Variants in CDK12 observed in about 807,000 individuals in gnomAD.
CDK12 encodes the protein cyclin-dependent kinase 12.
A neutral mutation model predicts 133.8 loss-of-function variants in CDK12; 17 were observed. The ratio of observed to expected loss-of-function variants is 0.13; its 90% CI spans 0.09 to 0.19. The LOEUF (loss-of-function observed/expected upper bound fraction) is 0.19. Among genes scored for constraint, CDK12 ranks in the 10% least tolerant of loss-of-function variants. CDK12 has a pLI of 1.00. For missense variants in CDK12, 1,508 were observed against 1,818.7 expected (o/e 0.83, Z 3.11); for synonymous variants, 694 against 683.6 (o/e 1.02, Z -0.24).
intron 3 of CDK12, among the ~76,000 whole-genome samples, chr17:39,491,516 G>A (rs989229908): frequency 5.9e-5 from 9 of 152,010 alleles, no homozygotes; most frequent in East Asian, 1.9e-4. Context: ...GATTACAGGC[G>A]TGAGCCACCG....
intron 3 of CDK12, among the ~76,000 whole-genome samples, chr17:39,562,504 C>A (rs2056408357): frequency 6.6e-6 from 1 of 152,152 alleles, no homozygotes; most frequent in Non-Finnish European, 1.5e-5. Flanking sequence ...GGCTGCTTCT[C>A]TATTCAGGTC....
intron 2 of CDK12, among the ~76,000 whole-genome samples, chr17:39,485,589 T>G (rs911635922): frequency 6.6e-6 from 1 of 151,856 alleles, no homozygotes; most frequent in Non-Finnish European, 1.5e-5. Context: ...ATTTTTTTTG[T>G]ATTTTGGTAG....
At chr17:39,564,508 C>T (rs759308050) in intron 3 of CDK12, among the ~76,000 whole-genome samples, 1 of 152,206 alleles carries the variant, frequency 6.6e-6, no homozygotes, top group Non-Finnish European at 1.5e-5. Context: ...ACCAACCATT[C>T]CCTATAGCTG....
intron 5 of CDK12, among the ~76,000 whole-genome samples, chr17:39,498,146 C>T (rs1225166614): frequency 1.3e-5 from 2 of 151,872 alleles, no homozygotes; most frequent in Non-Finnish European, 2.9e-5. Context: ...GGACTAGACA[C>T]CACTCCTGGC....
intron 2 of CDK12, 146 bp from the exon 3 acceptor site, chr17:39,490,411 A>AT (rs919669634): frequency 6.8e-4 from 362 of 530,634 alleles, no homozygotes; most frequent in Non-Finnish European, 7.9e-4. Flanking sequence ...GTGATTAATT[A>AT]TTTTTTTTTA....
intron 3 of CDK12, among the ~76,000 whole-genome samples, chr17:39,492,018 A>T (rs1299584569): frequency 6.6e-6 from 1 of 151,100 alleles, no homozygotes. Flanking sequence ...AGTACTAAAA[A>T]AAAAAAAAAA....
intron 1 of CDK12, among the ~76,000 whole-genome samples, chr17:39,467,151 G>T (rs968759042): frequency 6.6e-6 from 1 of 151,796 alleles, no homozygotes; most frequent in Non-Finnish European, 1.5e-5. Flanking sequence ...GCTAATTTTT[G>T]TATTTTTAGT....
At position 39,511,449 on chromosome 17, in the gene CDK12, T is replaced by C. The variant is rs376592953; in HGVS notation, c.2667-80T>C. ...GTCTCATCTTCATTTGGCACCTATT[T>C]CTATTTGCATTTAGTTATGTGAATA... On this transcript the variant is annotated intron_variant, in intron 7 of 13. Transcript: ENST00000447079. 3.9e-5 allele frequency: 35 copies of C among 901,838 alleles called. No individual in the cohort carries two copies. Among genetic ancestry groups the C allele is most frequent in the Admixed American group, 1.0e-4 (5 of 48,992 alleles). The allele number at this position is 901,838 out of a possible 1,614,324, so 55.9% of individuals were successfully genotyped here.
At chr17:39,518,971 G>A (rs1019891173) in intron 10 of CDK12, among the ~76,000 whole-genome samples, 5 of 152,066 alleles carry the variant, frequency 3.3e-5, no homozygotes, top group South Asian at 2.1e-4. Context: ...GCATCATCTC[G>A]GCTCACTGCA....
chr17:39,537,614 G>C (rs1426347079), downstream of CDK12, among the ~76,000 whole-genome samples: 3 of 151,028 alleles, frequency 2.0e-5, no homozygotes, highest in Non-Finnish European at 4.4e-5. Flanking sequence ...TCTTCTTGGA[G>C]TGCAGTGGTG....
intron 5 of CDK12, among the ~76,000 whole-genome samples, chr17:39,499,215 T>TCC (rs2052519452): frequency 9.5e-6 from 1 of 104,832 alleles, no homozygotes; most frequent in Non-Finnish European, 1.9e-5. Flanking sequence ...TTCCTTTTTT[T>TCC]TTTTTTTTTG....
rs751971146 is a variant in CDK12, at chr17:39,462,152, C to T, written c.81C>T (p.Gly27=). 6.2e-7 allele frequency: 1 copy of T among 1,614,190 alleles called. No homozygotes were observed. Among genetic ancestry groups the T allele is most frequent in the Admixed American group, 1.7e-5 (1 of 60,020 alleles). The change falls in exon 1 of 14, where the codon GGC becomes GGT. Residue 27 remains glycine, a synonymous_variant. Coordinates refer to ENST00000447079, the MANE Select transcript of CDK12 (RefSeq NM_016507.4). ...GAACTTTGCAGCCGTCATCGGGAGG[C>T]GGCAGCTCTAACAGCAGAGAGCGTC... The part of the protein sequence containing the change: ...ASGTLQPSSG[G]GSSNSRERHR...
chr17:39,521,407 A>G (rs746536226), intron 11 of CDK12, among the ~76,000 whole-genome samples: 6 of 151,496 alleles, frequency 4.0e-5, no homozygotes, highest in Non-Finnish European at 8.8e-5. Context: ...AGTAGCTGGA[A>G]TTACGCCACC....
intron 2 of CDK12, among the ~76,000 whole-genome samples, chr17:39,476,915 G>T (rs2050257898): frequency 1.3e-5 from 2 of 149,500 alleles, no homozygotes; most frequent in East Asian, 2.0e-4. Flanking sequence ...AGAGATGGGG[G>T]TTTCACCATG....
intron 1 of CDK12, among the ~76,000 whole-genome samples, chr17:39,541,319 C>T (rs1373445464): frequency 6.6e-6 from 1 of 151,744 alleles, no homozygotes; most frequent in Non-Finnish European, 1.5e-5. Flanking sequence ...GTTAGACTGC[C>T]TCAACTTCTT....
At chr17:39,471,883 C>T in intron 2 of CDK12, 120 bp downstream of exon 2, 2 of 919,788 alleles carry the variant, frequency 2.2e-6, no homozygotes, top group Non-Finnish European at 1.6e-6. Flanking sequence ...TTGATATTTT[C>T]AGTGGGAAAG....
At chr17:39,502,567 T>G (rs764596304) in intron 6 of CDK12, among the ~76,000 whole-genome samples, 1 of 152,232 alleles carries the variant, frequency 6.6e-6, no homozygotes, top group Non-Finnish European at 1.5e-5. Flanking sequence ...GGGACTGTCC[T>G]GGTTTTAGCA....
At chr17:39,497,683 A>G (rs1027733809) in intron 5 of CDK12, among the ~76,000 whole-genome samples, 3 of 151,806 alleles carry the variant, frequency 2.0e-5, no homozygotes, top group African/African-American at 4.8e-5. Flanking sequence ...AGCTCATTAC[A>G]TCCTCAACCT....
Position 39,481,636 on chromosome 17 carries a change from C to CGG in CDK12, c.1932-8921_1932-8920insGG, listed in dbSNP as rs1168739401. Among the ~76,000 whole-genome samples, 24 of 5,066 alleles carry CGG rather than the reference C, an allele frequency of 4.7e-3. 3 individuals carry two copies. Among genetic ancestry groups the CGG allele is most frequent in the African/African-American group, 0.014 (24 of 1,698 alleles). 3.3% of individuals were successfully genotyped at this position (5,066 alleles called of 152,430 possible). A position where few individuals can be genotyped will look rare whatever the true frequency, so the allele number is the denominator to read the frequency against. ...TTATGTGCTTGCTCGCTCGCGCGCT[C>CGG]TCTCTCTCTCTCTCTCTCTCTCTCT... is the stretch of plus-strand genomic sequence containing the variant. On this transcript the variant is annotated intron_variant, in intron 2 of 13. Coordinates refer to ENST00000447079, the MANE Select transcript of CDK12 (RefSeq NM_016507.4).
Sources: allele counts gnomAD v4.1 joint callset (sites outside exome capture counted in the v4.1 genomes callset), GRCh38; gene constraint gnomAD v4.1.1; transcripts MANE v1.5; gene names NCBI Gene and HGNC (gene_info 2026-07-23, HGNC 2026-07-21).